The following KIF4A variants were observed in gnomAD, a reference collection of about 807,000 sequenced individuals.
KIF4A encodes the protein kinesin family member 4A.
Under a neutral mutation model 105.9 loss-of-function variants are expected in KIF4A, and 7 were observed. The observed-to-expected ratio is 0.07, with a 90% CI of 0.04 to 0.12. The LOEUF is 0.12. Among genes scored for constraint, KIF4A ranks in the 10% least tolerant of loss-of-function variants. The probability of loss-of-function intolerance (pLI) is 1.00; values close to 1 mark genes in which losing one functional copy is unlikely to be tolerated. For missense variants in KIF4A, 558 were observed against 929.2 expected, an observed-to-expected ratio of 0.60 and a Z score of 5.19; for synonymous variants, 281 against 331.3, an observed-to-expected ratio of 0.85 and a Z score of 1.65.
intron 5 of KIF4A, among the ~76,000 whole-genome samples, chrX:70,301,295 G>T (rs2085803595): frequency 9.0e-6 from 1 of 111,473 alleles, no homozygotes; most frequent in South Asian, 3.8e-4. Context: ...GAGCTATGAA[G>T]TAATAAAATT....
intron 22 of KIF4A, among the ~76,000 whole-genome samples, chrX:70,398,392 G>A (rs907411331): frequency 9.8e-5 from 11 of 112,317 alleles, no homozygotes; most frequent in Non-Finnish European, 9.4e-5. Flanking sequence ...TACCATATGC[G>A]TAAGTAAATG....
chrX:70,330,687 G>T lies in KIF4A; in HGVS notation c.1071+355G>T, dbSNP rs577698455. ...AAGTAGGAGGGTGATATGATAAAATGTGTGTTTTGGCGAGATCATTCTAGC... is the reference window on the plus strand; with the variant it reads ...AAGTAGGAGGGTGATATGATAAAATTTGTGTTTTGGCGAGATCATTCTAGC... On this transcript the variant is annotated intron_variant, in intron 9 of 30. Coordinates refer to ENST00000374403, the MANE Select transcript of KIF4A (RefSeq NM_012310.5). Among the ~76,000 whole-genome samples the T allele has an allele frequency of 1.1e-4, 12 of 111,852 alleles. No individual in the cohort carries two copies. The South Asian group carries it at 4.5e-3, about 42-fold the overall frequency.
intron 15 of KIF4A, among the ~76,000 whole-genome samples, chrX:70,366,597 G>T (rs964351783): frequency 1.3e-4 from 15 of 112,235 alleles, no homozygotes; most frequent in African/African-American, 4.9e-4. Context: ...TAATTTGATT[G>T]CACTGTGGTC....
chrX:70,352,394 T>G (rs778867658), intron 13 of KIF4A, among the ~76,000 whole-genome samples: 1 of 111,968 alleles, frequency 8.9e-6, no homozygotes, highest in African/African-American at 3.2e-5. Flanking sequence ...TTATAAGAGC[T>G]ACACAATTGT....
At chrX:70,406,231 A>G in intron 26 of KIF4A, 28 bp from the exon 27 acceptor site, 1 of 1,153,322 alleles carries the variant, frequency 8.7e-7, no homozygotes, top group Non-Finnish European at 1.2e-6. Flanking sequence ...GCCCTGCATT[A>G]TATACTTTGT....
chrX:70,310,579 A>G (rs1448775357), intron 7 of KIF4A, among the ~76,000 whole-genome samples: 3 of 111,284 alleles, frequency 2.7e-5, no homozygotes, highest in Admixed American at 1.9e-4. Flanking sequence ...ATATGTTTCC[A>G]TTTCACTTGG....
At chrX:70,294,932 G>A (rs917398585) in intron 3 of KIF4A, among the ~76,000 whole-genome samples, 7 of 111,582 alleles carry the variant, frequency 6.3e-5, no homozygotes, top group African/African-American at 2.0e-4. Flanking sequence ...AAATTAGCTG[G>A]GCATAGTGGC....
intron 15 of KIF4A, among the ~76,000 whole-genome samples, chrX:70,354,488 TC>T: frequency 8.9e-6 from 1 of 112,500 alleles, no homozygotes. Flanking sequence ...GCTTTCTTAT[TC>T]CCCCATGGCA....
intron 13 of KIF4A, among the ~76,000 whole-genome samples, chrX:70,345,873 C>A (rs1231996096): frequency 2.7e-5 from 3 of 111,080 alleles, no homozygotes; most frequent in Non-Finnish European, 5.6e-5. Context: ...CGTGTGCTTT[C>A]TTTTATATCA....
chrX:70,375,782 A>G (rs983816641), intron 17 of KIF4A, among the ~76,000 whole-genome samples: 4 of 112,271 alleles, frequency 3.6e-5, no homozygotes, highest in Non-Finnish European at 5.6e-5. Flanking sequence ...TACAATGGTT[A>G]CTAGGTGGAT....
At chrX:70,295,544 A>G (rs1189911802) in intron 3 of KIF4A, among the ~76,000 whole-genome samples, 1 of 111,566 alleles carries the variant, frequency 9.0e-6, no homozygotes, top group Non-Finnish European at 1.9e-5. Flanking sequence ...GTGATAACGA[A>G]AAACACAGCC....
At chrX:70,351,355 T>A (rs1192579126) in intron 13 of KIF4A, among the ~76,000 whole-genome samples, 1 of 112,533 alleles carries the variant, frequency 8.9e-6, no homozygotes, top group African/African-American at 3.2e-5. Flanking sequence ...TATGCCCATG[T>A]GTACACATTA....
intron 28 of KIF4A, among the ~76,000 whole-genome samples, chrX:70,410,704 C>A (rs1278559246): frequency 8.9e-6 from 1 of 111,767 alleles, no homozygotes; most frequent in East Asian, 2.8e-4. Context: ...AGGATTCTTA[C>A]TCCTATGAGA....
chrX:70,375,791 A>G (rs779848018), intron 17 of KIF4A, among the ~76,000 whole-genome samples: 1 of 112,092 alleles, frequency 8.9e-6, no homozygotes, highest in Admixed American at 9.5e-5. Context: ...TACTAGGTGG[A>G]TTTGTCCTGG....
chrX:70,302,407 G>A lies in KIF4A; in HGVS notation c.778+9G>A, dbSNP rs775878049. 1.7e-6 allele frequency: 2 copies of A among 1,200,875 alleles called. No homozygotes were observed. The highest frequency in any genetic ancestry group is 2.3e-6 in the Non-Finnish European group (2 of 886,949). On this transcript the variant is annotated intron_variant, in intron 7 of 30. Transcript: ENST00000374403. ...GGATCGTCTAAAAGAGGGTAAGAGA[G>A]TAATTAAGGTCACAGTTGTAGATTA...
intron 29 of KIF4A, 95 bp from the exon 30 acceptor site, chrX:70,419,566 A>C: frequency 2.8e-6 from 3 of 1,063,061 alleles, no homozygotes; most frequent in Non-Finnish European, 3.9e-6. Flanking sequence ...CTAATCAGGC[A>C]CTTAGAGCTG....
At chrX:70,359,842 C>G (rs1198034753) in intron 15 of KIF4A, among the ~76,000 whole-genome samples, 6 of 111,307 alleles carry the variant, frequency 5.4e-5, no homozygotes, top group Admixed American at 1.9e-4. Flanking sequence ...CAGAATTGGG[C>G]AGAAGCACTG....
chrX:70,418,022 T>TC lies in KIF4A; in HGVS notation c.3372+20dup. ...AAGGCAAGGTAGGATCAGGGCTGTT[T>TC]CCTCTCCCCTTCCCTTCAGACCTTC... On this transcript the variant is annotated intron_variant, in intron 29 of 30. Transcript: ENST00000374403. 1.7e-6 allele frequency: 2 copies of TC among 1,155,889 alleles called. No individual in the cohort carries two copies. The highest frequency in any genetic ancestry group is 2.3e-6 in the Non-Finnish European group (2 of 852,388).
chrX:70,301,775 C>T (rs2085805432), intron 5 of KIF4A, 125 bp from the exon 6 acceptor site: 1 of 720,015 alleles, frequency 1.4e-6, no homozygotes, highest in Non-Finnish European at 2.1e-6. Flanking sequence ...TTCTTATCAC[C>T]ATGACTGTTC....
Sources: allele counts gnomAD v4.1 joint callset (sites outside exome capture counted in the v4.1 genomes callset), GRCh38; gene constraint gnomAD v4.1.1; transcripts MANE v1.5; gene names NCBI Gene and HGNC (gene_info 2026-07-23, HGNC 2026-07-21).